The following DZIP3 variants were observed in gnomAD, a reference collection of about 807,000 sequenced individuals.
DZIP3 encodes the protein DAZ interacting zinc finger protein 3.
In DZIP3, 118 loss-of-function variants were observed where a neutral mutation model predicts 162.0. The observed-to-expected ratio is 0.73, with a 90% confidence interval of 0.63 to 0.85. DZIP3 has a LOEUF of 0.85. Ranked by LOEUF, DZIP3 falls within the 40% of genes least tolerant of loss-of-function variation. DZIP3 has a pLI of 0.00. For missense variants in DZIP3, 1,331 were observed against 1,407.0 expected, an observed-to-expected ratio of 0.95 and a Z score of 0.86; for synonymous variants, 438 against 458.6, an observed-to-expected ratio of 0.96 and a Z score of 0.57.
intron 19 of DZIP3, among the ~76,000 whole-genome samples, chr3:108,656,860 C>T (rs2966558): frequency 0.7 from 106,391 of 152,026 alleles, 37,776 homozygotes; most frequent in Middle Eastern, 0.79. Flanking sequence ...CCTCAGTAGC[C>T]GATTCACTCA....
intron 19 of DZIP3, among the ~76,000 whole-genome samples, chr3:108,661,570 G>T (rs544541644): frequency 6.6e-6 from 1 of 151,982 alleles, no homozygotes; most frequent in African/African-American, 2.4e-5. Flanking sequence ...CACCAACATG[G>T]CACATGTATA....
intron 14 of DZIP3, among the ~76,000 whole-genome samples, chr3:108,644,992 G>A (rs1226667293): frequency 6.6e-6 from 1 of 152,150 alleles, no homozygotes; most frequent in East Asian, 1.9e-4. Flanking sequence ...AAGCTTTCTG[G>A]AGAGTATCAT....
intron 10 of DZIP3, among the ~76,000 whole-genome samples, chr3:108,635,894 T>C (rs1942127216): frequency 6.6e-6 from 1 of 151,632 alleles, no homozygotes; most frequent in African/African-American, 2.4e-5. Context: ...GAAAGTGTAT[T>C]GAATATGGAG....
intron 23 of DZIP3, 125 bp from the exon 24 acceptor site, chr3:108,673,953 A>C: frequency 1.4e-6 from 1 of 728,670 alleles, no homozygotes; most frequent in East Asian, 2.5e-5. Context: ...TGAATGGTCA[A>C]GGAACCTAGA....
chr3:108,650,126 G>A (rs1231136415), intron 17 of DZIP3, among the ~76,000 whole-genome samples: 2 of 151,784 alleles, frequency 1.3e-5, no homozygotes, highest in African/African-American at 4.8e-5. Context: ...ATTAAAATAT[G>A]GTAATGCTCA....
intron 12 of DZIP3, among the ~76,000 whole-genome samples, chr3:108,641,586 A>G (rs771644970): frequency 4.6e-5 from 7 of 152,208 alleles, no homozygotes; most frequent in Non-Finnish European, 7.3e-5. Flanking sequence ...CCACCTGTGT[A>G]TATCTATAAC....
At chr3:108,690,643 G>A (rs931775650) in intron 31 of DZIP3, 144 bp from the exon 32 acceptor site, 4 of 639,306 alleles carry the variant, frequency 6.3e-6, no homozygotes, top group Non-Finnish European at 1.1e-5. Flanking sequence ...TGCCATGGTT[G>A]CAGCAATTGG....
chr3:108,689,775 C>T (rs1208275284), intron 31 of DZIP3, among the ~76,000 whole-genome samples: 1 of 152,158 alleles, frequency 6.6e-6, no homozygotes, highest in African/African-American at 2.4e-5. Flanking sequence ...TACTGCCACA[C>T]AGTTGCTATT....
At chr3:108,666,003 G>A (rs901056952) in intron 21 of DZIP3, among the ~76,000 whole-genome samples, 1 of 152,002 alleles carries the variant, frequency 6.6e-6, no homozygotes, top group Non-Finnish European at 1.5e-5. Flanking sequence ...TATAGTAGAA[G>A]CTTGAGACTT....
rs777074181 is a variant in DZIP3, at chr3:108,654,156, T to C, written c.2045T>C (p.Val682Ala). 3 of 1,613,162 alleles carry C rather than the reference T, an allele frequency of 1.9e-6. No individual in the cohort carries two copies. Among genetic ancestry groups the C allele is most frequent in the Non-Finnish European group, 1.7e-6 (2 of 1,179,504 alleles). ...TGTCACGACTACAGCCCATATGTGG[T>C]AGAAAAGGAAGAGCAGTTGAGGAAA... ...DSKEDQVPYV[V>A]EKEEQLRKEQ... Residue 682 changes from valine (V) to alanine (A), a missense_variant, in exon 19 of 33, where the codon GTA becomes GCA. Physicochemically the swap from Val to Ala is moderately conservative, Grantham distance 64 (BLOSUM62 0). Around this residue, in one of 2 missense-constraint regions of DZIP3, gnomAD observed 1,278 missense variants for 1,317.1 expected, o/e 0.97. Transcript: ENST00000361582.
At position 108,693,349 on chromosome 3, in the gene DZIP3, C is replaced by T. The variant is rs1254992397; in HGVS notation, c.*7-11C>T. The T allele has an allele frequency of 6.6e-6, 1 of 151,818 alleles. No homozygotes were observed. The highest frequency in any genetic ancestry group is 2.4e-5 in the African/African-American group (1 of 41,318). 9.4% of individuals were successfully genotyped at this position (151,818 alleles called of 1,614,324 possible). A position where few individuals can be genotyped will look rare whatever the true frequency, so the allele number is the denominator to read the frequency against. ...TCAATATTCCCCATTCTTTTATATC[C>T]CCTTAAATAGGTACCCATGAAGAGA... On this transcript the variant is annotated splice_polypyrimidine_tract_variant and intron_variant, in intron 32 of 32. Coordinates refer to ENST00000361582, the MANE Select transcript of DZIP3 (RefSeq NM_014648.4).
At chr3:108,626,855 A>G (rs1296421006) in intron 7 of DZIP3, among the ~76,000 whole-genome samples, 4 of 152,332 alleles carry the variant, frequency 2.6e-5, no homozygotes, top group South Asian at 4.1e-4. Flanking sequence ...TGAGAAAACA[A>G]TGTTTGACTA....
At chr3:108,610,042 CTTTTTGAAAAA>C (rs1489878691) in intron 3 of DZIP3, among the ~76,000 whole-genome samples, 1 of 152,086 alleles carries the variant, frequency 6.6e-6, no homozygotes, top group Non-Finnish European at 1.5e-5. Context: ...TTTGTTTTAA[CTTTTTGAAAAA>C]TTTCAAACCT....
chr3:108,660,406 A>G (rs1943364896), intron 19 of DZIP3, among the ~76,000 whole-genome samples: 1 of 152,218 alleles, frequency 6.6e-6, no homozygotes, highest in Admixed American at 6.5e-5. Flanking sequence ...CCTATTTAAT[A>G]AATGGTGCTG....
intron 1 of DZIP3, among the ~76,000 whole-genome samples, chr3:108,595,167 A>G (rs931417875): frequency 6.6e-6 from 1 of 152,194 alleles, no homozygotes; most frequent in African/African-American, 2.4e-5. Context: ...CACTTCCTTC[A>G]TTCTTCAAAG....
At chr3:108,665,536 G>A (rs1334477555) in intron 21 of DZIP3, among the ~76,000 whole-genome samples, 1 of 146,504 alleles carries the variant, frequency 6.8e-6, no homozygotes, top group Non-Finnish European at 1.5e-5. Flanking sequence ...AGCAGAATGA[G>A]AGAGAGACTG....
At chr3:108,675,670 T>G in intron 24 of DZIP3, 116 bp from the exon 25 acceptor site, 1 of 663,702 alleles carries the variant, frequency 1.5e-6, no homozygotes, top group Non-Finnish European at 2.4e-6. Flanking sequence ...TTGTTGGTGA[T>G]GGGGGTAATT....
intron 19 of DZIP3, among the ~76,000 whole-genome samples, chr3:108,656,136 G>A (rs1943105985): frequency 6.6e-6 from 1 of 152,194 alleles, no homozygotes; most frequent in Non-Finnish European, 1.5e-5. Flanking sequence ...TGACAGCTTT[G>A]AAGAGAGTAG....
intron 31 of DZIP3, among the ~76,000 whole-genome samples, chr3:108,689,877 G>C (rs908041311): frequency 1.3e-5 from 2 of 152,106 alleles, no homozygotes; most frequent in Non-Finnish European, 2.9e-5. Context: ...TTTCAGGGAA[G>C]TAAATAATAG....
Sources: allele counts gnomAD v4.1 joint callset (sites outside exome capture counted in the v4.1 genomes callset), GRCh38; gene constraint gnomAD v4.1.1; regional missense constraint gnomAD v4.1.1; transcripts MANE v1.5; gene names NCBI Gene and HGNC (gene_info 2026-07-23, HGNC 2026-07-21).